Variants in RHBDD1 observed in about 807,000 individuals in gnomAD.
RHBDD1 encodes rhomboid domain containing 1.
A neutral mutation model predicts 36.3 loss-of-function variants in RHBDD1; 38 were observed. That is an observed-to-expected ratio of 1.05 (90% CI 0.81 to 1.37). The LOEUF is 1.37. Among genes scored for constraint, RHBDD1 ranks in the 40% most tolerant of loss-of-function variants. The pLI is 0.00. For synonymous variants in RHBDD1, 151 were observed against 136.5 expected (o/e 1.11, Z -0.74); for missense variants, 393 against 377.6 (o/e 1.04, Z -0.34).
chr2:226,887,106 TTGAGGA>T (rs1266808041), intron 5 of RHBDD1, among the ~76,000 whole-genome samples: 1 of 152,126 alleles, frequency 6.6e-6, no homozygotes, highest in Non-Finnish European at 1.5e-5. Context: ...TAGGTCCACT[TTGAGGA>T]TGATGTATAT....
intron 5 of RHBDD1, among the ~76,000 whole-genome samples, chr2:226,898,069 G>T (rs928310897): frequency 6.6e-6 from 1 of 152,118 alleles, no homozygotes; most frequent in Non-Finnish European, 1.5e-5. Flanking sequence ...CACCCGCAAG[G>T]GAGGACATTA....
intron 8 of RHBDD1, among the ~76,000 whole-genome samples, chr2:226,920,443 G>A (rs1315888537): frequency 6.6e-6 from 1 of 152,116 alleles, no homozygotes; most frequent in Admixed American, 6.5e-5. Context: ...AGTGGTGAAA[G>A]TGTGCATCTT....
intron 8 of RHBDD1, among the ~76,000 whole-genome samples, chr2:226,940,233 A>G (rs1251032510): frequency 1.3e-5 from 2 of 152,334 alleles, no homozygotes; most frequent in East Asian, 1.9e-4. Flanking sequence ...ACCATTCAGG[A>G]CGTAGTTATG....
chr2:226,934,065 G>A lies in RHBDD1; in HGVS notation c.856+19714G>A, dbSNP rs189410834. On this transcript the variant is annotated intron_variant, in intron 8 of 8. Coordinates refer to ENST00000392062, the MANE Select transcript of RHBDD1 (RefSeq NM_001167608.3). ...TGGTAGAAAGAATGCCAGTACCCCA[G>A]AGAAACATCCAGTACTATTTATAGT... Among the ~76,000 whole-genome samples the A allele has an allele frequency of 9.3e-4, 141 of 152,160 alleles. 1 individual carries two copies. Among genetic ancestry groups the A allele is most frequent in the South Asian group, 1.0e-3 (5 of 4,820 alleles).
chr2:226,892,348 C>A (rs908352818), intron 5 of RHBDD1, among the ~76,000 whole-genome samples: 33 of 152,110 alleles, frequency 2.2e-4, no homozygotes, highest in African/African-American at 7.5e-4. Flanking sequence ...GCAGAATTTA[C>A]TTTTTCTGAA....
chr2:226,953,211 G>A (rs903347981), intron 8 of RHBDD1, among the ~76,000 whole-genome samples: 1 of 152,096 alleles, frequency 6.6e-6, no homozygotes, highest in African/African-American at 2.4e-5. Context: ...TTATTAGAGA[G>A]GAATGAAATT....
intron 8 of RHBDD1, among the ~76,000 whole-genome samples, chr2:226,967,635 C>G (rs907056655): frequency 1.3e-5 from 2 of 148,460 alleles, no homozygotes; most frequent in Non-Finnish European, 3.0e-5. Flanking sequence ...TTCTACAACT[C>G]GTTGTAGAAG....
chr2:226,978,353 A>C (rs530687900), intron 8 of RHBDD1, among the ~76,000 whole-genome samples: 48 of 152,202 alleles, frequency 3.2e-4, no homozygotes, highest in African/African-American at 1.1e-3. Context: ...CACTAGTTGG[A>C]GTAGAGAAAG....
intron 3 of RHBDD1, among the ~76,000 whole-genome samples, chr2:226,853,789 G>A (rs754677707): frequency 6.6e-6 from 1 of 152,218 alleles, no homozygotes; most frequent in Non-Finnish European, 1.5e-5. Flanking sequence ...TGCTTATTAA[G>A]CACGTTGGAC....
upstream of RHBDD1, among the ~76,000 whole-genome samples, chr2:226,832,427 A>T (rs1940765954): frequency 6.6e-6 from 1 of 152,202 alleles, no homozygotes; most frequent in Non-Finnish European, 1.5e-5. Flanking sequence ...TATACTTTTT[A>T]AAAAGAACAT....
chr2:226,850,535 A>G (rs1042727320), intron 3 of RHBDD1, among the ~76,000 whole-genome samples: 1 of 152,090 alleles, frequency 6.6e-6, no homozygotes, highest in Non-Finnish European at 1.5e-5. Context: ...CCCAGTTAGG[A>G]AAGTACAGAG....
At chr2:226,990,033 A>G (rs1575551234) in intron 8 of RHBDD1, among the ~76,000 whole-genome samples, 1 of 152,256 alleles carries the variant, frequency 6.6e-6, no homozygotes, top group East Asian at 1.9e-4. Flanking sequence ...CTCGTAAACC[A>G]AAACTGAAAT....
rs1385687554 is a variant in RHBDD1, at chr2:226,908,852, G to C, written c.686G>C (p.Gly229Ala). 5 of 1,607,420 alleles carry C rather than the reference G, an allele frequency of 3.1e-6. No individual in the cohort carries two copies. The highest frequency in any genetic ancestry group is 3.4e-6 in the Non-Finnish European group (4 of 1,173,964). ...GGFSSSVGYP[G>A]RQYYFNSSGS... ...TTTTCCTCCAGTGTTGGTTACCCAG[G>C]ACGGCAATACTACTTTAATAGTTCA... Residue 229 changes from glycine (G) to alanine (A), a missense_variant, in exon 7 of 9, where the codon GGA becomes GCA. By Grantham distance (60) the Gly-to-Ala change is moderately conservative (BLOSUM62 0). Coordinates refer to ENST00000392062, the MANE Select transcript of RHBDD1 (RefSeq NM_001167608.3).
intron 6 of RHBDD1, 27 bp from the exon 7 acceptor site, chr2:226,908,795 T>C (rs1398101126): frequency 6.5e-7 from 1 of 1,546,634 alleles, no homozygotes. Flanking sequence ...TGGCTGCCAT[T>C]AAAATGTTTA....
intron 8 of RHBDD1, among the ~76,000 whole-genome samples, chr2:226,927,622 G>T (rs1949754217): frequency 6.6e-6 from 1 of 151,992 alleles, no homozygotes; most frequent in Non-Finnish European, 1.5e-5. Context: ...GTTGCTCTCG[G>T]TTCTCCCAGC....
the RHBDD1 span, among the ~76,000 whole-genome samples, chr2:226,801,911 G>A: frequency 6.6e-6 from 1 of 152,170 alleles, no homozygotes; most frequent in East Asian, 1.9e-4. Context: ...CAGGTTTGAT[G>A]TTTAGCGCTG....
At chr2:226,815,859 AT>A in the RHBDD1 span, among the ~76,000 whole-genome samples, 2 of 152,228 alleles carry the variant, frequency 1.3e-5, no homozygotes, top group Non-Finnish European at 2.9e-5. Context: ...TAAAGGTTAA[AT>A]TTTCTCTCTC....
chr2:226,889,986 A>C (rs980059060), intron 5 of RHBDD1, among the ~76,000 whole-genome samples: 8 of 152,214 alleles, frequency 5.3e-5, no homozygotes, highest in African/African-American at 1.9e-4. Flanking sequence ...AGATTGCACA[A>C]GACAAATGCT....
the RHBDD1 span, among the ~76,000 whole-genome samples, chr2:226,802,765 T>C: frequency 1.3e-5 from 2 of 152,214 alleles, no homozygotes; most frequent in Non-Finnish European, 2.9e-5. Flanking sequence ...AGGGCTAAAA[T>C]AGTGATTTCA....
Sources: allele counts gnomAD v4.1 joint callset (sites outside exome capture counted in the v4.1 genomes callset), GRCh38; gene constraint gnomAD v4.1.1; transcripts MANE v1.5; gene names NCBI Gene and HGNC (gene_info 2026-07-23, HGNC 2026-07-21).